The following MOB3B variants were observed in gnomAD, a reference collection of about 807,000 sequenced individuals.
The protein encoded by MOB3B is MOB kinase activator-like 2B.
MOB3B carries 7 observed loss-of-function variants against 18.7 expected under a neutral mutation model. The ratio of observed to expected loss-of-function variants is 0.37; its 90% CI spans 0.21 to 0.70. MOB3B has a LOEUF of 0.70. MOB3B is among the 30% of genes least tolerant of loss of function. The pLI is 0.52. For missense variants in MOB3B, 253 were observed against 281.3 expected, an observed-to-expected ratio of 0.90 and a Z score of 0.72; for synonymous variants, 111 against 99.9, an observed-to-expected ratio of 1.11 and a Z score of -0.66.
chr9:27,465,966 C>T (rs1022383871), intron 1 of MOB3B, among the ~76,000 whole-genome samples: 3 of 152,230 alleles, frequency 2.0e-5, no homozygotes, highest in African/African-American at 7.2e-5. Context: ...CCATGAAGAT[C>T]TCTGACATGG....
At chr9:27,378,685 G>C in intron 2 of MOB3B, 1 of 471,114 alleles carries the variant, frequency 2.1e-6, no homozygotes, top group Non-Finnish European at 4.4e-6. Context: ...CCACACCTGG[G>C]GAATCCTGTG....
At chr9:27,357,502 T>C (rs1821210015) in intron 3 of MOB3B, among the ~76,000 whole-genome samples, 1 of 151,908 alleles carries the variant, frequency 6.6e-6, no homozygotes, top group Non-Finnish European at 1.5e-5. Context: ...TAACTAGGAA[T>C]AACCCCTAGG....
chr9:27,483,202 G>C (rs1819687966), intron 1 of MOB3B, among the ~76,000 whole-genome samples: 2 of 119,976 alleles, frequency 1.7e-5, no homozygotes, highest in African/African-American at 3.2e-5. Context: ...GCGCCATCTT[G>C]GCTCACTGCA....
intron 1 of MOB3B, among the ~76,000 whole-genome samples, chr9:27,506,424 C>T (rs1239206822): frequency 1.3e-5 from 2 of 152,186 alleles, no homozygotes; most frequent in Non-Finnish European, 2.9e-5. Flanking sequence ...AATGTCTCCT[C>T]TCATCTACCC....
chr9:27,394,728 G>A (rs1381649539), intron 2 of MOB3B, among the ~76,000 whole-genome samples: 1 of 152,176 alleles, frequency 6.6e-6, no homozygotes, highest in Admixed American at 6.5e-5. Flanking sequence ...ATTAACTTTA[G>A]ATTAACCACA....
intron 2 of MOB3B, among the ~76,000 whole-genome samples, chr9:27,446,027 T>C (rs1822685574): frequency 6.6e-6 from 1 of 152,188 alleles, no homozygotes; most frequent in Non-Finnish European, 1.5e-5. Flanking sequence ...GAGAAAGAAC[T>C]AACAACTCTG....
chr9:27,336,251 A>C (rs1048904982), intron 3 of MOB3B, among the ~76,000 whole-genome samples: 1 of 152,174 alleles, frequency 6.6e-6, no homozygotes, highest in African/African-American at 2.4e-5. Context: ...AGCAAACAAC[A>C]TTCTGCTTTC....
At chr9:27,472,933 T>G (rs561936163) in intron 1 of MOB3B, among the ~76,000 whole-genome samples, 1 of 152,318 alleles carries the variant, frequency 6.6e-6, no homozygotes, top group East Asian at 1.9e-4. Flanking sequence ...CATCTAAAAG[T>G]CACTTTGGTG....
intron 2 of MOB3B, among the ~76,000 whole-genome samples, chr9:27,412,963 G>C (rs1822093779): frequency 2.6e-5 from 4 of 152,184 alleles, no homozygotes. Context: ...CATTTAGATG[G>C]ATTCTCCAAT....
At chr9:27,398,471 C>T (rs1433994086) in intron 2 of MOB3B, among the ~76,000 whole-genome samples, 1 of 152,126 alleles carries the variant, frequency 6.6e-6, no homozygotes, top group Non-Finnish European at 1.5e-5. Context: ...AATTGAAGAT[C>T]ACAGTAGACA....
intron 1 of MOB3B, among the ~76,000 whole-genome samples, chr9:27,489,096 C>A (rs1191416421): frequency 6.6e-6 from 1 of 152,228 alleles, no homozygotes; most frequent in Admixed American, 6.5e-5. Context: ...TTCTTCCTAG[C>A]CATTTTGAGT....
chr9:27,433,501 AT>A lies in MOB3B; in HGVS notation c.418+21631del, dbSNP rs142779907. Reference sequence around the variant, plus strand: ...TCACAGAAATCAGAAATGCAAAAAAATCTTTGAGATAAACCAACCTCATGCC... The same window carrying A: ...TCACAGAAATCAGAAATGCAAAAAAACTTTGAGATAAACCAACCTCATGCC... On this transcript the variant is annotated intron_variant, in intron 2 of 3. Transcript: ENST00000262244. Among the ~76,000 whole-genome samples, 637 of 152,336 alleles carry A rather than the reference AT, an allele frequency of 4.2e-3. 4 individuals are homozygous for A. The highest frequency in any genetic ancestry group is 5.0e-3 in the Non-Finnish European group (339 of 68,038).
intron 2 of MOB3B, among the ~76,000 whole-genome samples, chr9:27,416,368 G>A (rs1004980948): frequency 1.2e-4 from 18 of 152,048 alleles, no homozygotes; most frequent in Admixed American, 3.3e-4. Context: ...TAATCTCCAC[G>A]TTTGGGATTT....
chr9:27,483,990 C>T (rs111310469), intron 1 of MOB3B, among the ~76,000 whole-genome samples: 1,950 of 152,292 alleles, frequency 0.013, 32 homozygotes, highest in South Asian at 0.026. Flanking sequence ...GTGACAGAGC[C>T]ACTAAGGAGT....
At chr9:27,366,446 C>T (rs1821343436) in intron 2 of MOB3B, among the ~76,000 whole-genome samples, 1 of 152,208 alleles carries the variant, frequency 6.6e-6, no homozygotes, top group African/African-American at 2.4e-5. Context: ...CCTCAAACAT[C>T]TCATTCAATC....
At chr9:27,525,238 C>T (rs193202466) in intron 1 of MOB3B, among the ~76,000 whole-genome samples, 148 of 152,272 alleles carry the variant, frequency 9.7e-4, no homozygotes, top group African/African-American at 3.4e-3. Flanking sequence ...TTTCTGTGGC[C>T]ATTTTGAAAG....
chr9:27,404,515 G>A (rs747692180), intron 2 of MOB3B, among the ~76,000 whole-genome samples: 7 of 151,564 alleles, frequency 4.6e-5, no homozygotes, highest in African/African-American at 4.8e-5. Flanking sequence ...GCACCACCAC[G>A]CCTGGCTAAT....
intron 1 of MOB3B, among the ~76,000 whole-genome samples, chr9:27,460,935 T>C (rs189256809): frequency 1.3e-5 from 2 of 152,290 alleles, no homozygotes; most frequent in Admixed American, 6.5e-5. Context: ...CTTCAGTTAT[T>C]TGGGGACTCT....
intron 1 of MOB3B, among the ~76,000 whole-genome samples, chr9:27,457,564 C>T (rs1352627637): frequency 1.3e-5 from 2 of 152,216 alleles, no homozygotes; most frequent in Non-Finnish European, 2.9e-5. Flanking sequence ...AATTGCTAAC[C>T]AGGCGGTGGA....
Sources: allele counts gnomAD v4.1 joint callset (sites outside exome capture counted in the v4.1 genomes callset), GRCh38; gene constraint gnomAD v4.1.1; transcripts MANE v1.5; gene names NCBI Gene and HGNC (gene_info 2026-07-23, HGNC 2026-07-21).